The following SLC71A2 variants were observed in gnomAD, a reference collection of about 807,000 sequenced individuals.
SLC71A2 encodes hippocampus abundant transcript-like 1.
At chr9:94,421,741 A>C in the SLC71A2 span, among the ~76,000 whole-genome samples, 1 of 151,886 alleles carries the variant, frequency 6.6e-6, no homozygotes, top group Non-Finnish European at 1.5e-5. Flanking sequence ...AGTTTGTGCA[A>C]ACAGCATTAT....
chr9:94,392,756 C>T, the SLC71A2 span, among the ~76,000 whole-genome samples: 30,243 of 152,108 alleles, frequency 0.2, 3,239 homozygotes, highest in African/African-American at 0.28. Context: ...GCCTTGGCCT[C>T]CCAAAGTGCT....
At chr9:94,415,066 T>G in the SLC71A2 span, 1 of 914,414 alleles carries the variant, frequency 1.1e-6, no homozygotes, top group Non-Finnish European at 1.7e-6. Flanking sequence ...TAAATTTTTT[T>G]ACACATTTTT....
the SLC71A2 span, among the ~76,000 whole-genome samples, chr9:94,404,824 TGA>T: frequency 1.3e-5 from 2 of 152,228 alleles, no homozygotes; most frequent in Non-Finnish European, 2.9e-5. Flanking sequence ...CTTTGATATA[TGA>T]AGGTTTTTCA....
the SLC71A2 span, among the ~76,000 whole-genome samples, chr9:94,434,300 T>G: frequency 6.6e-6 from 1 of 152,158 alleles, no homozygotes; most frequent in African/African-American, 2.4e-5. Context: ...TAGGAAATTT[T>G]AGCAATATTC....
the SLC71A2 span, chr9:94,429,391 A>G: frequency 7.5e-7 from 1 of 1,328,754 alleles, no homozygotes; most frequent in Non-Finnish European, 1.0e-6. Context: ...TAGCTGGGTT[A>G]TTAAAAGTCA....
the SLC71A2 span, chr9:94,459,518 T>C: frequency 8.3e-7 from 1 of 1,207,686 alleles, no homozygotes; most frequent in Non-Finnish European, 1.2e-6. Flanking sequence ...AGCGGCATCC[T>C]TCAGGGCCAA....
chr9:94,457,298 ATC>A, the SLC71A2 span, among the ~76,000 whole-genome samples: 2 of 151,970 alleles, frequency 1.3e-5, no homozygotes, highest in Non-Finnish European at 2.9e-5. Context: ...GCTAGATTTA[ATC>A]TCTTTCCTTC....
At chr9:94,460,741 T>TTGACAGAA in the SLC71A2 span, 1 of 152,512 alleles carries the variant, frequency 6.6e-6, no homozygotes, top group Non-Finnish European at 1.5e-5. Context: ...AATGAAGGTA[T>TTGACAGAA]TGACAGAAAA....
the SLC71A2 span, among the ~76,000 whole-genome samples, chr9:94,411,123 A>T: frequency 6.6e-6 from 1 of 151,246 alleles, no homozygotes; most frequent in East Asian, 1.9e-4. Context: ...GGAGACTGTA[A>T]GTTGTTCTTT....
the SLC71A2 span, among the ~76,000 whole-genome samples, chr9:94,443,505 G>T: frequency 4.0e-5 from 6 of 151,616 alleles, no homozygotes; most frequent in Non-Finnish European, 8.8e-5. Context: ...TCAGGGCTAC[G>T]GCAATGATTA....
chr9:94,430,141 G>T, the SLC71A2 span, among the ~76,000 whole-genome samples: 1 of 151,208 alleles, frequency 6.6e-6, no homozygotes, highest in Non-Finnish European at 1.5e-5. Flanking sequence ...TTGACCTCGT[G>T]ATCTGCCTGC....
chr9:94,456,804 A>C, the SLC71A2 span, among the ~76,000 whole-genome samples: 1 of 152,202 alleles, frequency 6.6e-6, no homozygotes, highest in African/African-American at 2.4e-5. Context: ...GGTTGTTGAT[A>C]GATGTTGAGT....
the SLC71A2 span, chr9:94,440,893 G>T: frequency 2.9e-6 from 2 of 694,272 alleles, no homozygotes; most frequent in Non-Finnish European, 5.0e-6. Flanking sequence ...TTATTTCTTG[G>T]TGCGTAATCT....
the SLC71A2 span, among the ~76,000 whole-genome samples, chr9:94,445,483 GAAAGTGGTCATTT>G: frequency 6.6e-6 from 1 of 152,174 alleles, no homozygotes; most frequent in South Asian, 2.1e-4. Flanking sequence ...CAAAATAAGT[GAAAGTGGTCATTT>G]GAAGTGGTCA....
the SLC71A2 span, among the ~76,000 whole-genome samples, chr9:94,428,600 C>CCTT: frequency 2.0e-5 from 2 of 98,436 alleles, no homozygotes; most frequent in Non-Finnish European, 4.4e-5. Context: ...ACCCCCCCCC[C>CCTT]TTTTTTTTTT....
At chr9:94,424,736 T>C in the SLC71A2 span, among the ~76,000 whole-genome samples, 1 of 133,156 alleles carries the variant, frequency 7.5e-6, no homozygotes, top group East Asian at 2.1e-4. Context: ...GCTTTTTTTT[T>C]TTTTTTTTTT....
the SLC71A2 span, among the ~76,000 whole-genome samples, chr9:94,402,334 T>C: frequency 1.3e-5 from 2 of 152,212 alleles, no homozygotes; most frequent in Non-Finnish European, 2.9e-5. Flanking sequence ...TTTCTCTCTA[T>C]TGCATTTTAA....
At chr9:94,440,586 A>T in the SLC71A2 span, among the ~76,000 whole-genome samples, 1 of 152,082 alleles carries the variant, frequency 6.6e-6, no homozygotes, top group African/African-American at 2.4e-5. Context: ...AAGTACACTA[A>T]TATTTTTCAT....
the SLC71A2 span, among the ~76,000 whole-genome samples, chr9:94,447,396 T>C: frequency 6.6e-6 from 1 of 151,312 alleles, no homozygotes; most frequent in African/African-American, 2.4e-5. Flanking sequence ...GCCAGGTTGG[T>C]CTCGAACTCC....
Sources: gnomAD v4.1 joint callset for allele counts (sites outside exome capture counted in the v4.1 genomes callset) on GRCh38, gnomAD v4.1.1 for gene constraint, MANE v1.5 for transcripts, NCBI Gene and HGNC (gene_info 2026-07-23, HGNC 2026-07-21) for gene names.